The following MPPED1 variants were observed in gnomAD, a reference collection of about 807,000 sequenced individuals.
MPPED1 encodes metallophosphoesterase domain containing 1.
MPPED1 carries 16 observed loss-of-function variants against 36.2 expected under a neutral mutation model. That is an observed-to-expected ratio of 0.44 (90% CI 0.30 to 0.67). MPPED1 has a LOEUF of 0.67. MPPED1 is among the 30% of genes least tolerant of loss of function. MPPED1 has a pLI of 0.10. For synonymous variants in MPPED1, 199 were observed against 191.3 expected (o/e 1.04, Z -0.33); for missense variants, 307 against 453.4 (o/e 0.68, Z 2.93).
chr22:43,505,080 CATT>C (rs1932782097), intron 6 of MPPED1, among the ~76,000 whole-genome samples: 1 of 149,950 alleles, frequency 6.7e-6, no homozygotes, highest in Non-Finnish European at 1.5e-5. Flanking sequence ...ATGATGATGA[CATT>C]AGTGATGATT....
intron 4 of MPPED1, among the ~76,000 whole-genome samples, chr22:43,497,213 G>T (rs1268231532): frequency 6.6e-6 from 1 of 151,958 alleles, no homozygotes; most frequent in Admixed American, 6.6e-5. Context: ...GGAGGTGGCG[G>T]TGTTGGAGGT....
At chr22:43,500,262 A>ATGGGGGTGGTGG (rs1932657603) in intron 5 of MPPED1, among the ~76,000 whole-genome samples, 1 of 19,498 alleles carries the variant, frequency 5.1e-5, no homozygotes, top group Admixed American at 7.1e-4. Flanking sequence ...GATGGTGGTG[A>ATGGGGGTGGTGG]TGGTGATGGA....
intron 3 of MPPED1, among the ~76,000 whole-genome samples, chr22:43,456,787 C>T (rs1930771480): frequency 6.6e-6 from 1 of 152,176 alleles, no homozygotes; most frequent in Non-Finnish European, 1.5e-5. Context: ...TGAGCCACCG[C>T]ACCCGGTGTG....
chr22:43,444,874 G>A (rs529905852), intron 3 of MPPED1, among the ~76,000 whole-genome samples: 1 of 152,282 alleles, frequency 6.6e-6, no homozygotes, highest in South Asian at 2.1e-4. Flanking sequence ...GTGTCAAAGA[G>A]TTGGAGATAG....
rs372610089 is a variant in MPPED1, at chr22:43,502,577, T to C, written c.749-67T>C. 7.9e-6 allele frequency: 10 copies of C among 1,270,792 alleles called. No homozygotes were observed. The highest frequency in any genetic ancestry group is 2.0e-4 in the Middle Eastern group (1 of 4,964). The allele number at this position is 1,270,792 out of a possible 1,614,324, so 78.7% of individuals were successfully genotyped here. A position where few individuals can be genotyped will look rare whatever the true frequency, so the allele number is the denominator to read the frequency against. On this transcript the variant is annotated intron_variant, in intron 5 of 6. Coordinates refer to ENST00000443721, the MANE Select transcript of MPPED1 (RefSeq NM_001044370.2). This position sits in a 1 kb window ranked among gnomAD's most constrained non-coding sequence, Gnocchi z 5.5. ...TTCTCCAGGCTGCAGAAGCTGCTGC[T>C]AGGCGTGGGGCAGTGAGGGGCTGGG...
rs768593832 is a variant in MPPED1, at chr22:43,475,994, GTGA to G, written c.632+1042_632+1044del. On this transcript the variant is annotated intron_variant, in intron 4 of 6. Coordinates refer to ENST00000443721, the MANE Select transcript of MPPED1 (RefSeq NM_001044370.2). ...TACGGTGGTGGTGGTAGTGATGGTG[GTGA>G]TGATGATGGTGGTGGTGGTGGTGTG... 2.9e-3 allele frequency among the ~76,000 whole-genome samples: 276 copies of G among 96,192 alleles called. 2 individuals carry two copies. Among genetic ancestry groups the G allele is most frequent in the East Asian group, 7.2e-3 (19 of 2,640 alleles). 63.1% of individuals were successfully genotyped at this position (96,192 alleles called of 152,430 possible).
intron 3 of MPPED1, among the ~76,000 whole-genome samples, chr22:43,451,496 C>T (rs1486231908): frequency 2.0e-5 from 3 of 152,160 alleles, no homozygotes; most frequent in African/African-American, 4.8e-5. Context: ...GGAGTGTGCA[C>T]GATGCAAATG....
chr22:43,447,883 A>T lies in MPPED1; in HGVS notation c.406+12668A>T, dbSNP rs1267370633. 8.4e-3 allele frequency among the ~76,000 whole-genome samples: 566 copies of T among 67,674 alleles called. 7 individuals carry two copies. Among genetic ancestry groups the T allele is most frequent in the African/African-American group, 0.019 (288 of 14,942 alleles). 44.4% of individuals were successfully genotyped at this position (67,674 alleles called of 152,430 possible). On this transcript the variant is annotated intron_variant, in intron 3 of 6. Coordinates refer to ENST00000443721, the MANE Select transcript of MPPED1 (RefSeq NM_001044370.2). ...ATTATATATATATATATATATATAT[A>T]TTTTTTTTTTTTTTAGACAAAGTCT...
At chr22:43,432,643 G>GGAGAGAGAC (rs1929767592) in intron 2 of MPPED1, among the ~76,000 whole-genome samples, 1 of 496 alleles carries the variant, frequency 2.0e-3, no homozygotes, top group African/African-American at 7.2e-3. Context: ...GAGAGAGAGA[G>GGAGAGAGAC]GGAAAGAGAA....
intron 3 of MPPED1, among the ~76,000 whole-genome samples, chr22:43,468,361 C>T (rs564908778): frequency 3.3e-5 from 5 of 152,334 alleles, no homozygotes; most frequent in African/African-American, 7.2e-5. Flanking sequence ...TCAGCGTTCT[C>T]GCCCACCTAG....
At chr22:43,417,135 T>C (rs1929102565) in intron 1 of MPPED1, 1 of 462,244 alleles carries the variant, frequency 2.2e-6, no homozygotes, top group Non-Finnish European at 2.8e-6. Context: ...CATGTAGTCA[T>C]AATTCAAAAT....
At position 43,424,681 on chromosome 22, in the gene MPPED1, T is replaced by A. The variant is rs1238874215; in HGVS notation, c.-78-227T>A. Reference sequence around the variant, plus strand: ...CGTCCACAGTGCTGTGGGTTGTTTTTTTTTCTTTTTTTTCTTGTCCCCTCC... The same window carrying A: ...CGTCCACAGTGCTGTGGGTTGTTTTATTTTCTTTTTTTTCTTGTCCCCTCC... On this transcript the variant is annotated intron_variant, in intron 1 of 6. Transcript: ENST00000443721. Among the ~76,000 whole-genome samples, 10 of 151,444 alleles carry A rather than the reference T, an allele frequency of 6.6e-5. No individual in the cohort carries two copies. The East Asian group carries it at 1.7e-3, about 26-fold the overall frequency.
At chr22:43,500,298 G>A (rs1226699212) in intron 5 of MPPED1, among the ~76,000 whole-genome samples, 4 of 145,380 alleles carry the variant, frequency 2.8e-5, no homozygotes, top group Non-Finnish European at 4.5e-5. Flanking sequence ...GGGGGTGGTG[G>A]TGGTGATGGT....
intron 2 of MPPED1, among the ~76,000 whole-genome samples, chr22:43,432,220 GACAC>G (rs1929714353): frequency 2.0e-5 from 3 of 150,886 alleles, no homozygotes; most frequent in Non-Finnish European, 3.0e-5. Context: ...GAGAGAGAGA[GACAC>G]AGAGAGAAAG....
At chr22:43,445,309 T>TC (rs1376534821) in intron 3 of MPPED1, among the ~76,000 whole-genome samples, 13 of 152,104 alleles carry the variant, frequency 8.5e-5, no homozygotes, top group Non-Finnish European at 1.8e-4. Context: ...GTGCTTTCTA[T>TC]CCCCCCCACC....
At chr22:43,494,269 G>C (rs938046794) in intron 4 of MPPED1, among the ~76,000 whole-genome samples, 1 of 152,136 alleles carries the variant, frequency 6.6e-6, no homozygotes, top group Admixed American at 6.5e-5. Flanking sequence ...TGCATTCGAG[G>C]GCTCAAACAA....
chr22:43,417,049 A>G lies in MPPED1; in HGVS notation c.-79+4891A>G. ...ACTCTTCATATTCCGAAATAAAAGT[A>G]CATAATTGGAAAATGAAGCGGCAGA... is the stretch of plus-strand genomic sequence containing the variant. On this transcript the variant is annotated intron_variant, in intron 1 of 6. Transcript: ENST00000443721. The G allele has an allele frequency of 9.2e-6, 9 of 981,892 alleles. No individual in the cohort carries two copies. In the South Asian group the frequency reaches 4.2e-4, roughly 46 times the overall value. The allele number at this position is 981,892 out of a possible 1,614,324, so 60.8% of individuals were successfully genotyped here.
At chr22:43,499,603 T>C (rs1932565254) in intron 5 of MPPED1, among the ~76,000 whole-genome samples, 1 of 69,294 alleles carries the variant, frequency 1.4e-5, no homozygotes, top group Admixed American at 1.8e-4. Flanking sequence ...GTGGAGGTGG[T>C]GGTGGTGGTG....
At position 43,502,538 on chromosome 22, in the gene MPPED1, G is replaced by C. The variant is rs73887329; in HGVS notation, c.749-106G>C. On this transcript the variant is annotated intron_variant, in intron 5 of 6. Transcript: ENST00000443721. The surrounding 1 kb of genome is among the most constrained non-coding windows in gnomAD (Gnocchi z 5.5). ...GGAGAGTGGTGCAAAGCCGGAGTCC[G>C]GAAGCCCCATGCCTTCTCCAGGCTG... 16 of 841,786 alleles carry C rather than the reference G, an allele frequency of 1.9e-5. No individual in the cohort carries two copies. The African/African-American group carries it at 2.4e-4, about 12-fold the overall frequency. 52.1% of individuals were successfully genotyped at this position (841,786 alleles called of 1,614,324 possible). A position where few individuals can be genotyped will look rare whatever the true frequency, so the allele number is the denominator to read the frequency against.
Sources: gnomAD v4.1 joint callset for allele counts (sites outside exome capture counted in the v4.1 genomes callset) on GRCh38, gnomAD v4.1.1 for gene constraint, Gnocchi (gnomAD v3.1) non-coding constraint, MANE v1.5 for transcripts, NCBI Gene and HGNC (gene_info 2026-07-23, HGNC 2026-07-21) for gene names.